The following RNF6 variants were observed in gnomAD, a reference collection of about 807,000 sequenced individuals.
RNF6 encodes the protein ring finger protein 6.
RNF6 carries 21 observed loss-of-function variants against 50.1 expected under a neutral mutation model. The ratio of observed to expected loss-of-function variants is 0.42; its 90% confidence interval spans 0.30 to 0.60. RNF6 has a LOEUF of 0.60. Among genes scored for constraint, RNF6 ranks in the 20% least tolerant of loss-of-function variants. The pLI, the probability that RNF6 is intolerant of heterozygous loss-of-function variation, is 0.20. For synonymous variants in RNF6, 255 were observed against 291.8 expected, an observed-to-expected ratio of 0.87 and a Z score of 1.29; for missense variants, 698 against 838.2, an observed-to-expected ratio of 0.83 and a Z score of 2.07.
At chr13:26,204,254 G>A (rs1219806247) in intron 5 of RNF6, among the ~76,000 whole-genome samples, 1 of 152,094 alleles carries the variant, frequency 6.6e-6, no homozygotes. Flanking sequence ...CCAGCACTTT[G>A]GAAGGCCGAG....
At chr13:26,202,269 A>G (rs1868927224) in intron 5 of RNF6, among the ~76,000 whole-genome samples, 2 of 152,222 alleles carry the variant, frequency 1.3e-5, no homozygotes, top group South Asian at 4.1e-4. Flanking sequence ...TGAGCATGGA[A>G]TCTCTTCAGA....
intron 5 of RNF6, among the ~76,000 whole-genome samples, chr13:26,204,140 A>G (rs963675910): frequency 3.9e-5 from 6 of 152,100 alleles, no homozygotes; most frequent in Non-Finnish European, 5.9e-5. Context: ...TCCTGTATGT[A>G]TAATTCTGTC....
At chr13:26,160,053 T>G (rs985355526) in intron 5 of RNF6, among the ~76,000 whole-genome samples, 5 of 152,170 alleles carry the variant, frequency 3.3e-5, no homozygotes, top group Non-Finnish European at 7.3e-5. Flanking sequence ...AATTAAGAAT[T>G]TTTGTCTGAA....
intron 4 of RNF6, among the ~76,000 whole-genome samples, chr13:26,217,179 C>T (rs1056631109): frequency 1.3e-4 from 20 of 152,100 alleles, no homozygotes; most frequent in Admixed American, 7.2e-4. Context: ...TTCAAAAGAT[C>T]AGTATTAATT....
chr13:26,208,399 T>C (rs1019567081), downstream of RNF6, among the ~76,000 whole-genome samples: 3 of 152,198 alleles, frequency 2.0e-5, no homozygotes, highest in Non-Finnish European at 4.4e-5. Context: ...AACACTTCTC[T>C]CATGTAGCCA....
chr13:26,218,108 T>C (rs1192824273), intron 4 of RNF6, among the ~76,000 whole-genome samples: 3 of 152,242 alleles, frequency 2.0e-5, no homozygotes, highest in Admixed American at 1.3e-4. Flanking sequence ...ACTTTTTATA[T>C]GTAAACCATC....
intron 2 of RNF6, 107 bp from the exon 3 acceptor site, chr13:26,219,774 C>T: frequency 1.0e-6 from 1 of 969,576 alleles, no homozygotes; most frequent in East Asian, 2.4e-5. Context: ...TGTCCCCTAC[C>T]CAAATACTGT....
At chr13:26,175,845 T>C (rs1016442548) in intron 5 of RNF6, among the ~76,000 whole-genome samples, 2 of 152,064 alleles carry the variant, frequency 1.3e-5, no homozygotes, top group Non-Finnish European at 2.9e-5. Context: ...AAATGCCTGA[T>C]TTTTTTATGA....
intron 5 of RNF6, among the ~76,000 whole-genome samples, chr13:26,145,705 G>A (rs1230491286): frequency 6.6e-6 from 1 of 152,208 alleles, no homozygotes; most frequent in Non-Finnish European, 1.5e-5. Flanking sequence ...CTAGTCTCAG[G>A]TATGTCTCTA....
At chr13:26,158,765 T>A (rs1029055107) in intron 5 of RNF6, among the ~76,000 whole-genome samples, 1 of 152,112 alleles carries the variant, frequency 6.6e-6, no homozygotes, top group African/African-American at 2.4e-5. Flanking sequence ...ATACTTAAAG[T>A]GGTTATTTCT....
intron 5 of RNF6, among the ~76,000 whole-genome samples, chr13:26,202,808 T>C (rs1293664148): frequency 6.6e-6 from 1 of 152,166 alleles, no homozygotes; most frequent in Non-Finnish European, 1.5e-5. Flanking sequence ...GAACAAACCA[T>C]GAACAAAAGT....
intron 5 of RNF6, among the ~76,000 whole-genome samples, chr13:26,187,462 C>T (rs928670826): frequency 7.2e-5 from 11 of 152,274 alleles, no homozygotes; most frequent in South Asian, 2.1e-4. Context: ...TTTCTGACTC[C>T]TCTGGGCTAC....
Position 26,155,034 on chromosome 13 carries a change from A to G in RNF6, n.769-22583T>C, listed in dbSNP as rs576131695. Among the ~76,000 whole-genome samples the G allele has an allele frequency of 4.7e-5, 7 of 148,272 alleles. 1 individual carries two copies. In the South Asian group the frequency reaches 1.5e-3, roughly 32 times the overall value. On this transcript the variant is annotated intron_variant and non_coding_transcript_variant, in intron 5 of 5. Coordinates refer to the RNF6 transcript ENST00000468480. Reference sequence around the variant, plus strand: ...AAAAGAGCCAGATTCTGCCTGAAAAAAAGCAAAAAACAAAAAAAAAACTCC... The same window carrying G: ...AAAAGAGCCAGATTCTGCCTGAAAAGAAGCAAAAAACAAAAAAAAAACTCC...
At chr13:26,218,301 A>G (rs373057620) in intron 4 of RNF6, among the ~76,000 whole-genome samples, 11 of 152,340 alleles carry the variant, frequency 7.2e-5, no homozygotes, top group African/African-American at 2.6e-4. Flanking sequence ...CTCTGAAGGC[A>G]ATCTGTGTGT....
chr13:26,151,618 T>C (rs1593150980), intron 5 of RNF6, among the ~76,000 whole-genome samples: 1 of 38,130 alleles, frequency 2.6e-5, no homozygotes, highest in African/African-American at 6.2e-5. Context: ...TTTTTCTTTT[T>C]TTCTTTTTTT....
intron 4 of RNF6, among the ~76,000 whole-genome samples, chr13:26,216,885 G>A (rs533171078): frequency 6.6e-6 from 1 of 152,270 alleles, no homozygotes; most frequent in Non-Finnish European, 1.5e-5. Context: ...AACCCGGGAG[G>A]CAGAGGTTGC....
At chr13:26,153,165 A>AC (rs1871718510) in intron 5 of RNF6, among the ~76,000 whole-genome samples, 1 of 150,744 alleles carries the variant, frequency 6.6e-6, no homozygotes, top group Non-Finnish European at 1.5e-5. Flanking sequence ...GAAAAGAAAA[A>AC]AAAAAGAAAA....
chr13:26,145,928 A>G (rs1036664635), intron 5 of RNF6, among the ~76,000 whole-genome samples: 1 of 152,200 alleles, frequency 6.6e-6, no homozygotes, highest in Non-Finnish European at 1.5e-5. Context: ...GAACTGGGGA[A>G]ATAACCACAG....
chr13:26,215,334 G>A lies in RNF6; in HGVS notation c.548C>T (p.Ala183Val), dbSNP rs1320983033. The change falls in exon 5 of 5, where the codon GCA (alanine) becomes GTA (valine). Residue 183 changes from alanine (A) to valine (V), a missense_variant. Coordinates refer to ENST00000381588, the MANE Select transcript of RNF6 (RefSeq NM_005977.4). ...ACTAGTTGACCTTTGTTGCCTATTT[G>A]CAGTATGATCTCTGTTACTATCTGA... ...PLSDSNRDHT[A>V]NRQQRSTSPV... 6.2e-7 allele frequency: 1 copy of A among 1,614,170 alleles called. No individual in the cohort carries two copies. Among genetic ancestry groups the A allele is most frequent in the Admixed American group, 1.7e-5 (1 of 60,022 alleles).
Sources: allele counts gnomAD v4.1 joint callset (sites outside exome capture counted in the v4.1 genomes callset), GRCh38; gene constraint gnomAD v4.1.1; transcripts MANE v1.5; gene names NCBI Gene and HGNC (gene_info 2026-07-23, HGNC 2026-07-21).